AGBL1: variants seen among roughly 807,000 people sequenced by gnomAD.
The protein encoded by AGBL1 is AGBL carboxypeptidase 1.
In AGBL1, 130 loss-of-function variants were observed where a neutral mutation model predicts 118.9. The observed-to-expected ratio is 1.09, with a 90% CI of 0.95 to 1.26. The LOEUF is 1.26. AGBL1 is among the 50% of genes most tolerant of loss of function. The pLI is 0.00. For synonymous variants in AGBL1, 555 were observed against 478.9 expected (o/e 1.16, Z -2.08); for missense variants, 1,584 against 1,298.1 (o/e 1.22, Z -3.38).
At chr15:86,217,278 C>A (rs1026268897) in intron 5 of AGBL1, among the ~76,000 whole-genome samples, 1 of 152,190 alleles carries the variant, frequency 6.6e-6, no homozygotes, top group Admixed American at 6.5e-5. Flanking sequence ...AGCAGGTCCT[C>A]AGTAAATATT....
chr15:86,283,507 G>C (rs2141730413), intron 16 of AGBL1, among the ~76,000 whole-genome samples: 1 of 152,108 alleles, frequency 6.6e-6, no homozygotes, highest in Middle Eastern at 3.4e-3. Flanking sequence ...GTGGAAGAAA[G>C]AGAGGGAAGA....
chr15:86,207,193 A>G (rs982633763), intron 5 of AGBL1, among the ~76,000 whole-genome samples: 2 of 152,196 alleles, frequency 1.3e-5, no homozygotes, highest in South Asian at 2.1e-4. Flanking sequence ...TACCAGTATC[A>G]TGCTGTTTTG....
chr15:86,809,036 T>C (rs2078754807), intron 22 of AGBL1, among the ~76,000 whole-genome samples: 1 of 152,160 alleles, frequency 6.6e-6, no homozygotes, highest in Non-Finnish European at 1.5e-5. Context: ...CAAAACAATT[T>C]TTATGAATAT....
At chr15:86,824,782 G>A (rs926052494) in intron 22 of AGBL1, among the ~76,000 whole-genome samples, 1 of 152,096 alleles carries the variant, frequency 6.6e-6, no homozygotes, top group African/African-American at 2.4e-5. Context: ...ACTAGGTCTG[G>A]TATGGTGCCT....
chr15:86,918,957 G>A (rs8024676), downstream of AGBL1, among the ~76,000 whole-genome samples: 116,422 of 151,768 alleles, frequency 0.77, 45,200 homozygotes, highest in Non-Finnish European at 0.84. Flanking sequence ...TGTCATGTCC[G>A]TGCGTGTTCT....
intron 23 of AGBL1, among the ~76,000 whole-genome samples, chr15:86,975,463 G>C (rs2081166698): frequency 6.6e-6 from 1 of 152,038 alleles, no homozygotes; most frequent in South Asian, 2.1e-4. Context: ...CACGACACCT[G>C]GGAATTATGG....
chr15:86,096,951 T>A (rs530252280), intron 1 of AGBL1, among the ~76,000 whole-genome samples: 1 of 152,262 alleles, frequency 6.6e-6, no homozygotes, highest in South Asian at 2.1e-4. Context: ...TCTTGGGACA[T>A]TTAGGCATTA....
At chr15:86,230,456 C>G (rs922986459) in intron 6 of AGBL1, among the ~76,000 whole-genome samples, 1 of 152,212 alleles carries the variant, frequency 6.6e-6, no homozygotes, top group African/African-American at 2.4e-5. Flanking sequence ...TGACCATGCA[C>G]AAGTACCAGT....
At chr15:86,806,901 C>T (rs200032143) in intron 22 of AGBL1, among the ~76,000 whole-genome samples, 6 of 151,834 alleles carry the variant, frequency 4.0e-5, no homozygotes, top group East Asian at 1.9e-4. Context: ...TGATATACCA[C>T]GTATCATACG....
intron 22 of AGBL1, among the ~76,000 whole-genome samples, chr15:86,738,134 T>G (rs1016699505): frequency 1.3e-5 from 2 of 152,154 alleles, no homozygotes; most frequent in Non-Finnish European, 2.9e-5. Flanking sequence ...TTTTGTATCT[T>G]GCAAGTTTAC....
At chr15:86,424,163 G>C (rs1321585824) in intron 18 of AGBL1, among the ~76,000 whole-genome samples, 4 of 152,018 alleles carry the variant, frequency 2.6e-5, no homozygotes, top group African/African-American at 4.8e-5. Context: ...AAAACAGCAT[G>C]GTAATGGTAC....
At chr15:86,410,786 G>C (rs1480499616) in intron 18 of AGBL1, among the ~76,000 whole-genome samples, 1 of 78,144 alleles carries the variant, frequency 1.3e-5, no homozygotes, top group African/African-American at 5.0e-5. Flanking sequence ...TTTTGCAGAG[G>C]AAGAGACAAG....
At chr15:86,504,457 G>C (rs1273984422) in intron 18 of AGBL1, among the ~76,000 whole-genome samples, 1 of 151,234 alleles carries the variant, frequency 6.6e-6, no homozygotes, top group Non-Finnish European at 1.5e-5. Context: ...TTTGCTATCA[G>C]TTTTCCATAT....
At chr15:86,754,562 T>A (rs1390415989) in intron 22 of AGBL1, among the ~76,000 whole-genome samples, 1 of 151,996 alleles carries the variant, frequency 6.6e-6, no homozygotes, top group Non-Finnish European at 1.5e-5. Context: ...GGGCTCCTGA[T>A]CCCATTAATC....
chr15:86,895,067 C>CCT, intron 22 of AGBL1, among the ~76,000 whole-genome samples: 1 of 150,752 alleles, frequency 6.6e-6, no homozygotes, highest in South Asian at 2.1e-4. Flanking sequence ...CTTTTATCTT[C>CCT]CCTCCTTCCC....
At chr15:86,728,480 T>G (rs1422001831) in intron 22 of AGBL1, among the ~76,000 whole-genome samples, 1 of 152,162 alleles carries the variant, frequency 6.6e-6, no homozygotes, top group Admixed American at 6.5e-5. Flanking sequence ...GGTGGCCCCA[T>G]AGGTATCAGC....
chr15:86,211,104 G>A (rs938329808), intron 5 of AGBL1, among the ~76,000 whole-genome samples: 1 of 152,182 alleles, frequency 6.6e-6, no homozygotes, highest in Non-Finnish European at 1.5e-5. Flanking sequence ...GAGTTTGCTG[G>A]AGGTCCACTC....
intron 21 of AGBL1, among the ~76,000 whole-genome samples, chr15:86,569,605 T>C (rs1185553027): frequency 6.6e-6 from 1 of 152,228 alleles, no homozygotes; most frequent in Non-Finnish European, 1.5e-5. Context: ...GAGCAGTTTA[T>C]TAACTCACTG....
At chr15:86,378,379 C>T (rs1293719947) in intron 17 of AGBL1, among the ~76,000 whole-genome samples, 2 of 152,206 alleles carry the variant, frequency 1.3e-5, no homozygotes, top group East Asian at 3.9e-4. Flanking sequence ...AATTTTTTCC[C>T]TTCCCATCGG....
Sources: gnomAD v4.1 joint callset for allele counts (sites outside exome capture counted in the v4.1 genomes callset) on GRCh38, gnomAD v4.1.1 for gene constraint, MANE v1.5 for transcripts, NCBI Gene and HGNC (gene_info 2026-07-23, HGNC 2026-07-21) for gene names.